CELF4: variants seen among roughly 807,000 people sequenced by gnomAD.
CELF4 encodes the protein CUGBP Elav-like family member 4, also known as CUG-BP- and ETR-3-like factor 4.
A neutral mutation model predicts 59.9 loss-of-function variants in CELF4; 18 were observed. The ratio of observed to expected loss-of-function variants is 0.30; its 90% CI spans 0.21 to 0.45. CELF4 has a LOEUF of 0.45. Among genes scored for constraint, CELF4 ranks in the 20% least tolerant of loss-of-function variants. The probability of loss-of-function intolerance (pLI) is 1.00; values close to 1 mark genes in which losing one functional copy is unlikely to be tolerated. For synonymous variants in CELF4, 261 were observed against 267.1 expected (o/e 0.98, Z 0.22); for missense variants, 456 against 689.0 (o/e 0.66, Z 3.79).
chr18:37,457,325 C>G (rs768202340), intron 2 of CELF4, among the ~76,000 whole-genome samples: 9 of 152,100 alleles, frequency 5.9e-5, no homozygotes, highest in Non-Finnish European at 1.0e-4. Context: ...AGAGTGGTCT[C>G]CCTGAAAATA....
At chr18:37,444,465 G>T (rs2099742189) in intron 2 of CELF4, among the ~76,000 whole-genome samples, 1 of 152,024 alleles carries the variant, frequency 6.6e-6, no homozygotes, top group Non-Finnish European at 1.5e-5. Flanking sequence ...CTCCATTTAT[G>T]GTGAGGTCAC....
At chr18:37,252,908 G>A (rs765385199) in intron 12 of CELF4, among the ~76,000 whole-genome samples, 1 of 151,842 alleles carries the variant, frequency 6.6e-6, no homozygotes, top group East Asian at 1.9e-4. Context: ...GGAAAGGCCC[G>A]AAAGGAGCCT....
chr18:37,405,017 C>T (rs1248850504), intron 2 of CELF4, among the ~76,000 whole-genome samples: 1 of 152,214 alleles, frequency 6.6e-6, no homozygotes, highest in East Asian at 1.9e-4. Flanking sequence ...CATCATACAC[C>T]TGCACCCAGC....
chr18:37,249,358 A>C (rs1019056140), intron 12 of CELF4, among the ~76,000 whole-genome samples: 1 of 152,048 alleles, frequency 6.6e-6, no homozygotes, highest in South Asian at 2.1e-4. Flanking sequence ...TTCTCCCTCC[A>C]TTCCAGCCCT....
At chr18:37,526,376 T>A (rs535759277) in intron 1 of CELF4, among the ~76,000 whole-genome samples, 1 of 152,194 alleles carries the variant, frequency 6.6e-6, no homozygotes, top group Non-Finnish European at 1.5e-5. Context: ...TAAGGTTTGG[T>A]ATGTTGTGTT....
intron 1 of CELF4, among the ~76,000 whole-genome samples, chr18:37,534,879 C>A (rs2099972267): frequency 6.6e-6 from 1 of 152,094 alleles, no homozygotes; most frequent in Non-Finnish European, 1.5e-5. Context: ...TTTACAGAAC[C>A]CCTTCTGAAA....
chr18:37,465,479 G>T (rs1193283044), intron 2 of CELF4, among the ~76,000 whole-genome samples: 1 of 152,126 alleles, frequency 6.6e-6, no homozygotes. Context: ...CTGGGGGAGG[G>T]CTCTGTGTAC....
chr18:37,562,486 A>C (rs1374703707), intron 1 of CELF4, among the ~76,000 whole-genome samples: 3 of 152,074 alleles, frequency 2.0e-5, no homozygotes, highest in African/African-American at 7.2e-5. Flanking sequence ...AAATTAAGGA[A>C]GGGGAGAGCA....
chr18:37,453,455 A>G (rs943331730), intron 2 of CELF4, among the ~76,000 whole-genome samples: 11 of 151,934 alleles, frequency 7.2e-5, no homozygotes, highest in Admixed American at 5.9e-4. Flanking sequence ...ACCGTGTGAC[A>G]CTCTTGGGGG....
At chr18:37,462,896 C>T (rs1425484509) in intron 2 of CELF4, among the ~76,000 whole-genome samples, 3 of 151,874 alleles carry the variant, frequency 2.0e-5, no homozygotes. Context: ...CAATGTGGCC[C>T]AGGGAAGCCA....
Position 37,358,107 on chromosome 18 carries a change from G to A in CELF4, c.370-36226C>T, listed in dbSNP as rs145210260. Among the ~76,000 whole-genome samples the A allele has an allele frequency of 2.8e-3, 428 of 152,198 alleles. 5 individuals are homozygous for A. The highest frequency in any genetic ancestry group is 3.4e-3 in the Middle Eastern group (1 of 294). On this transcript the variant is annotated intron_variant, in intron 2 of 12. Transcript: ENST00000420428. ...AGACATGATCGGTTTTGAAATGTGAGGACCTAAGATTTGGGAGGGGCCGGG... is the reference window on the plus strand; with the variant it reads ...AGACATGATCGGTTTTGAAATGTGAAGACCTAAGATTTGGGAGGGGCCGGG...
chr18:37,273,213 C>G (rs969943904), intron 6 of CELF4, 50 bp from the exon 7 acceptor site: 100 of 1,577,590 alleles, frequency 6.3e-5, no homozygotes, highest in Non-Finnish European at 8.3e-5. Flanking sequence ...GGGGGCATCC[C>G]TCCCCGACAG....
intron 3 of CELF4, among the ~76,000 whole-genome samples, chr18:37,318,895 C>A (rs1399836913): frequency 6.6e-6 from 1 of 152,210 alleles, no homozygotes; most frequent in Non-Finnish European, 1.5e-5. Context: ...TGCTCCACAC[C>A]AGATGGCACC....
At chr18:37,547,256 G>GC (rs984802103) in intron 1 of CELF4, among the ~76,000 whole-genome samples, 14 of 151,714 alleles carry the variant, frequency 9.2e-5, no homozygotes, top group South Asian at 2.1e-4. Flanking sequence ...GCCAACAGGA[G>GC]CCCCCCCAGG....
intron 2 of CELF4, among the ~76,000 whole-genome samples, chr18:37,450,805 TGGGTCC>T (rs1187231500): frequency 1.3e-5 from 2 of 152,162 alleles, no homozygotes; most frequent in Non-Finnish European, 2.9e-5. Flanking sequence ...GGGACGTTCC[TGGGTCC>T]AGCATAACAA....
chr18:37,459,916 G>A (rs1299322734), intron 2 of CELF4, among the ~76,000 whole-genome samples: 2 of 152,208 alleles, frequency 1.3e-5, no homozygotes, highest in African/African-American at 4.8e-5. Flanking sequence ...TCCTTGGAAG[G>A]CAGAGTTTGA....
At chr18:37,406,456 T>C (rs586196) in intron 2 of CELF4, among the ~76,000 whole-genome samples, 17,518 of 152,110 alleles carry the variant, frequency 0.12, 3,339 homozygotes, top group African/African-American at 0.4. Flanking sequence ...GGTCCTGCGC[T>C]ATGGGCTTGC....
intron 2 of CELF4, among the ~76,000 whole-genome samples, chr18:37,394,638 C>T (rs2099218186): frequency 1.3e-5 from 2 of 152,178 alleles, no homozygotes; most frequent in Admixed American, 6.5e-5. Flanking sequence ...ATGCCAGGGC[C>T]CTCCCACGAC....
intron 2 of CELF4, among the ~76,000 whole-genome samples, chr18:37,422,518 A>C (rs900944660): frequency 2.0e-5 from 3 of 152,238 alleles, no homozygotes; most frequent in African/African-American, 7.2e-5. Flanking sequence ...TGGGGGAACC[A>C]GGAGAGGAGC....
Sources: allele counts gnomAD v4.1 joint callset (sites outside exome capture counted in the v4.1 genomes callset), GRCh38; gene constraint gnomAD v4.1.1; transcripts MANE v1.5; gene names NCBI Gene and HGNC (gene_info 2026-07-23, HGNC 2026-07-21).